Variants in PDE4D observed in about 807,000 individuals in gnomAD.
The protein encoded by PDE4D is 3',5'-cyclic-AMP phosphodiesterase 4D.
A neutral mutation model predicts 87.4 loss-of-function variants in PDE4D; 24 were observed. The observed-to-expected ratio is 0.27, with a 90% CI of 0.20 to 0.39. PDE4D has a LOEUF of 0.39. PDE4D is among the 10% of genes least tolerant of loss of function. PDE4D has a pLI of 1.00. For missense variants in PDE4D, 714 were observed against 1,041.0 expected (o/e 0.69, Z 4.32); for synonymous variants, 384 against 383.2 (o/e 1.00, Z -0.02).
At chr5:60,447,608 C>A (rs1745747242) in intron 1 of PDE4D, among the ~76,000 whole-genome samples, 1 of 152,120 alleles carries the variant, frequency 6.6e-6, no homozygotes, top group African/African-American at 2.4e-5. Flanking sequence ...GGGAAGTTAT[C>A]TCAAAGGTCA....
intron 1 of PDE4D, among the ~76,000 whole-genome samples, chr5:59,497,577 G>C (rs1019463589): frequency 6.6e-6 from 1 of 152,014 alleles, no homozygotes; most frequent in Admixed American, 6.6e-5. Context: ...ATACCAAGCA[G>C]AAGAATGAAT....
intron 1 of PDE4D, among the ~76,000 whole-genome samples, chr5:59,408,562 T>C (rs1792106191): frequency 6.6e-6 from 1 of 152,206 alleles, no homozygotes; most frequent in African/African-American, 2.4e-5. Context: ...GCCATTGTTC[T>C]GTGGGTCCCA....
chr5:59,121,561 A>T (rs11746579), intron 5 of PDE4D, among the ~76,000 whole-genome samples: 11,087 of 152,168 alleles, frequency 0.073, 500 homozygotes, highest in Non-Finnish European at 0.1. Context: ...AATAAAAAAA[A>T]AATAACAGAT....
At chr5:59,130,749 T>C (rs1008917569) in intron 5 of PDE4D, among the ~76,000 whole-genome samples, 3 of 152,244 alleles carry the variant, frequency 2.0e-5, no homozygotes, top group South Asian at 2.1e-4. Context: ...AAAAAGTTCT[T>C]GTTTCTAATG....
chr5:59,390,871 G>A lies in PDE4D; in HGVS notation c.456-174903C>T, dbSNP rs375111848. Among the ~76,000 whole-genome samples the A allele has an allele frequency of 6.6e-5, 10 of 152,162 alleles. 1 individual carries two copies. The highest frequency in any genetic ancestry group is 6.2e-4 in the South Asian group (3 of 4,820). The stretch of plus-strand genomic sequence containing the variant: ...GAGGGTGGTAAAAGTCACTCCAAGA[G>A]GAAGAAAAGGTAACTAATATTTACT... On this transcript the variant is annotated intron_variant, in intron 1 of 14. Transcript: ENST00000340635.
At chr5:59,717,360 A>G (rs1050314055) in intron 1 of PDE4D, among the ~76,000 whole-genome samples, 2 of 152,214 alleles carry the variant, frequency 1.3e-5, no homozygotes, top group African/African-American at 4.8e-5. Context: ...AGAAAAGCTA[A>G]GCATATGGAG....
chr5:59,649,934 G>GTTTTTTTTTTTTTTTTT (rs1743174616), intron 1 of PDE4D, among the ~76,000 whole-genome samples: 1 of 11,404 alleles, frequency 8.8e-5, no homozygotes, highest in Non-Finnish European at 1.7e-4. Context: ...TTTTTTTTTA[G>GTTTTTTTTTTTTTTTTT]CAATGACCCA....
chr5:60,465,549 T>A (rs142726138), intron 1 of PDE4D, among the ~76,000 whole-genome samples: 228 of 152,264 alleles, frequency 1.5e-3, no homozygotes, highest in African/African-American at 5.3e-3. Flanking sequence ...TAATTATTTA[T>A]TATTTGTATG....
chr5:59,573,584 C>T (rs978907682), intron 1 of PDE4D, among the ~76,000 whole-genome samples: 19 of 152,126 alleles, frequency 1.2e-4, no homozygotes, highest in Non-Finnish European at 2.2e-4. Flanking sequence ...TTCTCATTGG[C>T]TCTTTAGCAC....
chr5:59,127,605 A>AC (rs370382085), intron 5 of PDE4D, among the ~76,000 whole-genome samples: 80 of 34,490 alleles, frequency 2.3e-3, no homozygotes, highest in African/African-American at 5.4e-3. Flanking sequence ...TTCCCTCCCC[A>AC]CCCCCCCACC....
intron 5 of PDE4D, among the ~76,000 whole-genome samples, chr5:59,130,409 A>C (rs555414641): frequency 6.6e-6 from 1 of 152,256 alleles, no homozygotes; most frequent in Non-Finnish European, 1.5e-5. Context: ...CATCTCGTAA[A>C]GCACATTTTC....
At chr5:59,665,038 G>A (rs1457775080) in intron 1 of PDE4D, among the ~76,000 whole-genome samples, 3 of 152,146 alleles carry the variant, frequency 2.0e-5, no homozygotes, top group African/African-American at 7.2e-5. Context: ...CTGCCCCTCT[G>A]TAGTGACATG....
At chr5:60,048,735 G>A (rs1368060456) in intron 2 of PDE4D, among the ~76,000 whole-genome samples, 4 of 151,898 alleles carry the variant, frequency 2.6e-5, no homozygotes, top group African/African-American at 4.8e-5. Flanking sequence ...TGAGAGATCC[G>A]CTGTTAGTCT....
intron 1 of PDE4D, among the ~76,000 whole-genome samples, chr5:59,591,553 T>G (rs1825923773): frequency 6.6e-6 from 1 of 151,692 alleles, no homozygotes; most frequent in African/African-American, 2.4e-5. Context: ...TGTTTGCCTC[T>G]TAAATAACTT....
intron 1 of PDE4D, among the ~76,000 whole-genome samples, chr5:60,205,354 C>G (rs1014903518): frequency 2.6e-5 from 4 of 152,178 alleles, no homozygotes; most frequent in African/African-American, 4.8e-5. Context: ...GTACATTGCA[C>G]TCTGCTTGCA....
At chr5:59,272,658 G>C (rs1247790179) in intron 1 of PDE4D, among the ~76,000 whole-genome samples, 2 of 151,864 alleles carry the variant, frequency 1.3e-5, no homozygotes, top group Non-Finnish European at 2.9e-5. Flanking sequence ...CCTAAATTTG[G>C]ACACCTATGT....
intron 1 of PDE4D, among the ~76,000 whole-genome samples, chr5:59,877,181 T>C (rs991471760): frequency 2.6e-5 from 4 of 152,170 alleles, no homozygotes; most frequent in East Asian, 1.9e-4. Flanking sequence ...AGAAAGACTA[T>C]GAAGTGTTTA....
chr5:59,663,852 G>C (rs1416097568), intron 1 of PDE4D, among the ~76,000 whole-genome samples: 1 of 152,118 alleles, frequency 6.6e-6, no homozygotes, highest in African/African-American at 2.4e-5. Context: ...GCCTGACAAA[G>C]GTTAACAGAA....
chr5:59,797,920 A>G (rs1766674194), intron 1 of PDE4D, among the ~76,000 whole-genome samples: 1 of 152,096 alleles, frequency 6.6e-6, no homozygotes, highest in Non-Finnish European at 1.5e-5. Flanking sequence ...TATGGCTACT[A>G]TATGGAATTT....
Sources: allele counts gnomAD v4.1 joint callset (sites outside exome capture counted in the v4.1 genomes callset), GRCh38; gene constraint gnomAD v4.1.1; transcripts MANE v1.5; gene names NCBI Gene and HGNC (gene_info 2026-07-23, HGNC 2026-07-21).